PSD2: variants seen among roughly 807,000 people sequenced by gnomAD.
PSD2 encodes PH and SEC7 domain-containing protein 2.
In PSD2, 38 loss-of-function variants were observed where a neutral mutation model predicts 69.8. The observed-to-expected ratio is 0.54, with a 90% CI of 0.42 to 0.71. The LOEUF (loss-of-function observed/expected upper bound fraction) is 0.71, where lower values mean the gene tolerates loss of function less well. Ranked by LOEUF, PSD2 falls within the 30% of genes least tolerant of loss-of-function variation. The pLI, the probability that PSD2 is intolerant of heterozygous loss-of-function variation, is 0.00. For synonymous variants in PSD2, 412 were observed against 423.0 expected (o/e 0.97, Z 0.32); for missense variants, 943 against 1,014.5 (o/e 0.93, Z 0.96).
intron 5 of PSD2, 148 bp downstream of exon 5, chr5:139,817,709 G>A: frequency 1.5e-6 from 1 of 664,920 alleles, no homozygotes; most frequent in Non-Finnish European, 2.6e-6. Context: ...CACAGGAGCA[G>A]CAGCGGCCCA....
upstream of PSD2, among the ~76,000 whole-genome samples, chr5:139,794,787 G>A (rs929485773): frequency 8.5e-5 from 13 of 152,248 alleles, no homozygotes; most frequent in African/African-American, 2.4e-4. Context: ...TGCTCCCCAC[G>A]CCCTCCTTAG....
At chr5:139,804,154 G>A (rs988344782) in intron 1 of PSD2, among the ~76,000 whole-genome samples, 1 of 152,182 alleles carries the variant, frequency 6.6e-6, no homozygotes, top group Admixed American at 6.5e-5. Context: ...GTTCATGTGT[G>A]TTCACATGTG....
At position 139,837,822 on chromosome 5, in the gene PSD2, C is replaced by G. The variant is rs778176295; in HGVS notation, c.1823+40C>G. The G allele has an allele frequency of 6.4e-7, 1 of 1,573,912 alleles. No homozygotes were observed. Among genetic ancestry groups the G allele is most frequent in the South Asian group, 1.2e-5 (1 of 86,836 alleles). ...GAGCCCTTCACTCCCACCTGGGGCC[C>G]AGGGCCACAGTGACCCGGCACACAA... On this transcript the variant is annotated intron_variant, in intron 12 of 14. Coordinates refer to ENST00000274710, the MANE Select transcript of PSD2 (RefSeq NM_032289.4). The surrounding 1 kb of genome is among the most constrained non-coding windows in gnomAD (Gnocchi z 5.0).
chr5:139,760,854 T>C, the PSD2 span, among the ~76,000 whole-genome samples: 128,745 of 152,044 alleles, frequency 0.85, 55,282 homozygotes, highest in South Asian at 0.93. Context: ...TAGAGAATGA[T>C]GTACTGATGA....
chr5:139,756,032 C>T, the PSD2 span, among the ~76,000 whole-genome samples: 9 of 152,246 alleles, frequency 5.9e-5, no homozygotes, highest in African/African-American at 2.2e-4. Flanking sequence ...CTGCCGTCCG[C>T]CCTCCCGCGC....
chr5:139,833,846 G>A, intron 8 of PSD2, 55 bp downstream of exon 8: 2 of 1,323,116 alleles, frequency 1.5e-6, no homozygotes, highest in Non-Finnish European at 2.2e-6. Context: ...TGGATAGAGA[G>A]GAGAGAGGTC....
At chr5:139,821,672 G>A (rs7700717) in intron 5 of PSD2, among the ~76,000 whole-genome samples, 41,449 of 152,044 alleles carry the variant, frequency 0.27, 6,203 homozygotes, top group African/African-American at 0.4. Flanking sequence ...AGGGCAATGA[G>A]GACTGAAACT....
Position 139,842,840 on chromosome 5 carries a change from T to C in PSD2, c.*366T>C, listed in dbSNP as rs977617836. The C allele has an allele frequency of 1.0e-5, 2 of 193,410 alleles. No homozygotes were observed. Among genetic ancestry groups the C allele is most frequent in the African/African-American group, 4.7e-5 (2 of 42,894 alleles). 12.0% of individuals were successfully genotyped at this position (193,410 alleles called of 1,614,324 possible). A position where few individuals can be genotyped will look rare whatever the true frequency, so the allele number is the denominator to read the frequency against. ...CTCCTCTCCTCATCTTTTTTGTGTG[T>C]GAGGGCAGGTCTTGACTCTAGGTCT... is the stretch of plus-strand genomic sequence containing the variant. On this transcript the variant is annotated 3_prime_UTR_variant, in exon 15 of 15. Transcript: ENST00000274710.
chr5:139,832,681 G>T (rs1016653825), intron 7 of PSD2, among the ~76,000 whole-genome samples: 15 of 152,162 alleles, frequency 9.9e-5, no homozygotes, highest in African/African-American at 3.6e-4. Flanking sequence ...AGTTCTGTAG[G>T]TAAACCTTGG....
At chr5:139,811,515 C>T (rs1759960788) in intron 2 of PSD2, among the ~76,000 whole-genome samples, 1 of 152,176 alleles carries the variant, frequency 6.6e-6, no homozygotes, top group South Asian at 2.1e-4. Context: ...CTGAAATGGG[C>T]TGGGCTCAGC....
the PSD2 span, among the ~76,000 whole-genome samples, chr5:139,776,082 G>C: frequency 6.6e-6 from 1 of 152,216 alleles, no homozygotes; most frequent in Non-Finnish European, 1.5e-5. Context: ...GGAGAGCTCA[G>C]ATATATACCC....
the PSD2 span, among the ~76,000 whole-genome samples, chr5:139,767,586 A>T: frequency 6.6e-6 from 1 of 152,190 alleles, no homozygotes; most frequent in Admixed American, 6.5e-5. Flanking sequence ...GAGTGCTGGG[A>T]TTACAGATGT....
At chr5:139,835,912 A>G (rs960254965) in intron 9 of PSD2, 146 bp downstream of exon 9, 6 of 755,680 alleles carry the variant, frequency 7.9e-6, no homozygotes, top group Non-Finnish European at 1.4e-5. Flanking sequence ...GCTGGCGCAC[A>G]CCTGGTGTTG....
the PSD2 span, among the ~76,000 whole-genome samples, chr5:139,750,223 G>A: frequency 1.2e-3 from 182 of 152,240 alleles, 1 homozygote; most frequent in Middle Eastern, 0.01. Context: ...CTACTCAGAG[G>A]CTGAGGCAGG....
intron 6 of PSD2, 74 bp downstream of exon 6, chr5:139,822,079 C>A: frequency 1.1e-6 from 1 of 919,988 alleles, no homozygotes; most frequent in Non-Finnish European, 1.7e-6. Context: ...CCATCCTGGT[C>A]CACCTGGCAC....
chr5:139,834,082 G>GCCA (rs1264826956), intron 8 of PSD2, among the ~76,000 whole-genome samples: 2 of 151,990 alleles, frequency 1.3e-5, no homozygotes, highest in Admixed American at 1.3e-4. Context: ...CACCACAACC[G>GCCA]CCACCACCAC....
Position 139,837,485 on chromosome 5 carries a change from C to T in PSD2, c.1666-140C>T. On this transcript the variant is annotated intron_variant, in intron 11 of 14. Coordinates refer to ENST00000274710, the MANE Select transcript of PSD2 (RefSeq NM_032289.4). This position sits in a 1 kb window ranked among gnomAD's most constrained non-coding sequence, Gnocchi z 5.0. The stretch of plus-strand genomic sequence containing the variant: ...ACAAACTGGGGTAAGGGGAGGAGTA[C>T]CTGGATTCTTGTTGGGGTGGGTGAG... 1.1e-6 allele frequency: 1 copy of T among 935,528 alleles called. No homozygotes were observed. Among genetic ancestry groups the T allele is most frequent in the Non-Finnish European group, 1.6e-6 (1 of 624,632 alleles). The allele number at this position is 935,528 out of a possible 1,614,324, so 58.0% of individuals were successfully genotyped here.
chr5:139,778,552 T>A, the PSD2 span, among the ~76,000 whole-genome samples: 4 of 152,224 alleles, frequency 2.6e-5, no homozygotes. Flanking sequence ...ATTTACAACT[T>A]TTTGCCATTA....
In PSD2 at chr5:139,837,588, GT is replaced by G; in HGVS notation, c.1666-36del. 6.4e-7 allele frequency: 1 copy of G among 1,567,434 alleles called. No individual in the cohort carries two copies. The highest frequency in any genetic ancestry group is 8.7e-7 in the Non-Finnish European group (1 of 1,149,902). On this transcript the variant is annotated intron_variant, in intron 11 of 14. Coordinates refer to ENST00000274710, the MANE Select transcript of PSD2 (RefSeq NM_032289.4). The surrounding 1 kb of genome is among the most constrained non-coding windows in gnomAD (Gnocchi z 5.0). ...GGGGAGGGGAGAGTGGAAGGTGTGG[GT>G]CAGTGACCCTAGCTCGCCCATCCTG... is the stretch of plus-strand genomic sequence containing the variant.
Sources: gnomAD v4.1 joint callset for allele counts (sites outside exome capture counted in the v4.1 genomes callset) on GRCh38, gnomAD v4.1.1 for gene constraint, Gnocchi (gnomAD v3.1) non-coding constraint, MANE v1.5 for transcripts, NCBI Gene and HGNC (gene_info 2026-07-23, HGNC 2026-07-21) for gene names.